TRRAP: variants seen among roughly 807,000 people sequenced by gnomAD.
The protein encoded by TRRAP is transformation/transcription domain-associated protein.
TRRAP carries 41 observed loss-of-function variants against 438.8 expected under a neutral mutation model. The ratio of observed to expected loss-of-function variants is 0.09; its 90% CI spans 0.07 to 0.12. TRRAP has a LOEUF of 0.12. Among genes scored for constraint, TRRAP ranks in the 10% least tolerant of loss-of-function variants. The pLI is 1.00. For synonymous variants in TRRAP, 1,994 were observed against 1,962.9 expected, an observed-to-expected ratio of 1.02 and a Z score of -0.42; for missense variants, 3,122 against 5,055.1, an observed-to-expected ratio of 0.62 and a Z score of 11.60.
At chr7:98,891,468 C>T (rs901934295) in intron 4 of TRRAP, among the ~76,000 whole-genome samples, 27 of 148,702 alleles carry the variant, frequency 1.8e-4, no homozygotes, top group African/African-American at 4.2e-4. Context: ...CCCAAAGTGC[C>T]GAGACTACAG....
At chr7:98,945,899 T>C in intron 32 of TRRAP, 31 bp from the exon 33 acceptor site, 1 of 1,553,936 alleles carries the variant, frequency 6.4e-7, no homozygotes, top group East Asian at 2.3e-5. Flanking sequence ...CTGTTGCCTT[T>C]TTTCATGCTG....
At position 98,919,517 on chromosome 7, in the gene TRRAP, C is replaced by T. The variant is rs539487771; in HGVS notation, c.2622+1838C>T. Among the ~76,000 whole-genome samples the T allele has an allele frequency of 8.9e-4, 136 of 152,200 alleles. 1 individual carries two copies. Among genetic ancestry groups the T allele is most frequent in the African/African-American group, 3.2e-3 (132 of 41,514 alleles). On this transcript the variant is annotated intron_variant, in intron 20 of 72. Coordinates refer to ENST00000456197, the MANE Select transcript of TRRAP (RefSeq NM_001375524.1). ...CTCACGAGTTTGAGGTGGAAGAATC[C>T]GTTGAACTCAAGAGGTTGAGGCTAC...
Position 98,929,051 on chromosome 7 carries a change from C to T in TRRAP, c.3176-938C>T, listed in dbSNP as rs116385653. The stretch of plus-strand genomic sequence containing the variant: ...CTCCCGGGTTGAAGTGATTCTCCTC[C>T]CTCACCCCTCCTGAGTAGCTGGGAT... On this transcript the variant is annotated intron_variant, in intron 23 of 72. Transcript: ENST00000456197. Among the ~76,000 whole-genome samples, 574 of 151,912 alleles carry T rather than the reference C, an allele frequency of 3.8e-3. 10 individuals carry two copies. The highest frequency in any genetic ancestry group is 0.013 in the African/African-American group (547 of 41,380).
chr7:98,906,246 A>G lies in TRRAP; in HGVS notation c.1106A>G (p.Glu369Gly), dbSNP rs781979132. 1.9e-6 allele frequency: 3 copies of G among 1,613,846 alleles called. No individual in the cohort carries two copies. Among genetic ancestry groups the G allele is most frequent in the Non-Finnish European group, 2.5e-6 (3 of 1,179,816 alleles). ...ILIGSGYTAR[E>G]TLRPLAYSTL... ...ATTGGCTCAGGATATACTGCCAGAG[A>G]GACTCTAAGGTATGAGATTAAACCA... The change falls in exon 13 of 73, where the codon GAG (glutamate) becomes GGG (glycine). Residue 369 changes from glutamate to glycine, a missense_variant. Physicochemically the swap from Glu to Gly is moderately conservative, Grantham distance 98. Around this residue, in one of 24 missense-constraint regions of TRRAP, gnomAD observed 343 missense variants for 564.0 expected, o/e 0.61. Transcript: ENST00000456197.
At position 98,931,440 on chromosome 7, in the gene TRRAP, G is replaced by A. The variant is rs1277397652; in HGVS notation, c.3627G>A (p.Thr1209=). The A allele has an allele frequency of 5.6e-6, 9 of 1,613,984 alleles. No homozygotes were observed. The highest frequency in any genetic ancestry group is 2.2e-5 in the East Asian group (1 of 44,894). The change falls in exon 26 of 73, where the codon ACG becomes ACA. Residue 1209 remains threonine, a synonymous_variant. Transcript: ENST00000456197. Reference sequence around the variant, plus strand: ...GGGCAGTCGCTATGGCAAAGACCACGCTGGAGCAGCTTCTGATGCGGTGCG... The same window carrying A: ...GGGCAGTCGCTATGGCAAAGACCACACTGGAGCAGCTTCTGATGCGGTGCG... ...SNGAVAMAKT[T]LEQLLMRCAT...
Position 98,917,490 on chromosome 7 carries a change from C to T in TRRAP, c.2433C>T (p.Leu811=), listed in dbSNP as rs35145380. 1.1e-3 allele frequency: 1,757 copies of T among 1,614,172 alleles called. 12 individuals carry two copies. The African/African-American group carries it at 0.016, about 15-fold the overall frequency. ...HMKDLFVELC[L]TVPVRLSSLL... ...AGGACCTCTTTGTGGAGCTGTGTCT[C>T]ACCGTCCCTGTGCGGCTGAGCTCGC... Residue 811 remains leucine (L), a synonymous_variant, in exon 20 of 73, where the codon CTC becomes CTT. Transcript: ENST00000456197.
chr7:98,905,232 C>T (rs1205226754), intron 12 of TRRAP, among the ~76,000 whole-genome samples: 1 of 152,116 alleles, frequency 6.6e-6, no homozygotes, highest in Non-Finnish European at 1.5e-5. Flanking sequence ...CTCAGAGGGG[C>T]CTGCTTGTGG....
intron 30 of TRRAP, among the ~76,000 whole-genome samples, chr7:98,942,456 T>A (rs1345955109): frequency 6.6e-6 from 1 of 152,180 alleles, no homozygotes; most frequent in African/African-American, 2.4e-5. Context: ...CCCGACCCCC[T>A]CCTTTCTCAT....
intron 3 of TRRAP, among the ~76,000 whole-genome samples, chr7:98,885,667 AATATATAT>A (rs112055398): frequency 1.3e-5 from 2 of 148,990 alleles, no homozygotes; most frequent in African/African-American, 4.9e-5. Flanking sequence ...AGCTGTTTAA[AATATATAT>A]ATATATATAT....
At chr7:98,929,114 G>A (rs1472206698) in intron 23 of TRRAP, among the ~76,000 whole-genome samples, 1 of 151,744 alleles carries the variant, frequency 6.6e-6, no homozygotes, top group Non-Finnish European at 1.5e-5. Context: ...AATTTTTTTG[G>A]TATTTTTAGT....
At chr7:98,929,063 T>C (rs1194191510) in intron 23 of TRRAP, among the ~76,000 whole-genome samples, 1 of 151,958 alleles carries the variant, frequency 6.6e-6, no homozygotes, top group Non-Finnish European at 1.5e-5. Flanking sequence ...TCACCCCTCC[T>C]GAGTAGCTGG....
At chr7:99,007,881 T>A (rs1290922369) in intron 69 of TRRAP, among the ~76,000 whole-genome samples, 12 of 151,286 alleles carry the variant, frequency 7.9e-5, no homozygotes, top group Non-Finnish European at 1.5e-4. Flanking sequence ...GCTGGAGTGC[T>A]GTGGCGTGAT....
chr7:98,978,372 C>T (rs2116739329), intron 57 of TRRAP, 49 bp downstream of exon 57: 1 of 1,510,442 alleles, frequency 6.6e-7, no homozygotes, highest in Non-Finnish European at 9.1e-7. Flanking sequence ...TTAAGGGAAC[C>T]AGGGAAAAAT....
At chr7:98,904,260 G>T (rs1554407175) in intron 12 of TRRAP, among the ~76,000 whole-genome samples, 1 of 151,956 alleles carries the variant, frequency 6.6e-6, no homozygotes, top group East Asian at 1.9e-4. Context: ...GAGGCGAGCG[G>T]ATCACGAGGT....
chr7:98,954,624 AC>A (rs1459876273), intron 40 of TRRAP, among the ~76,000 whole-genome samples: 1 of 151,618 alleles, frequency 6.6e-6, no homozygotes, highest in Non-Finnish European at 1.5e-5. Context: ...TCTAACACCC[AC>A]CCCGTCCCCT....
In TRRAP at chr7:99,006,692, G is replaced by T. The variant is rs566733988; in HGVS notation, c.10753+1344G>T. 2.8e-3 allele frequency among the ~76,000 whole-genome samples: 422 copies of T among 152,296 alleles called. 2 individuals carry two copies. Among genetic ancestry groups the T allele is most frequent in the African/African-American group, 9.7e-3 (405 of 41,564 alleles). Reference sequence around the variant, plus strand: ...TCCACGTCAGGGGTTACAGTGGCTGGGACACAGCTGCCACTGGGACCCTCA... The same window carrying T: ...TCCACGTCAGGGGTTACAGTGGCTGTGACACAGCTGCCACTGGGACCCTCA... On this transcript the variant is annotated intron_variant, in intron 69 of 72. Transcript: ENST00000456197.
intron 44 of TRRAP, among the ~76,000 whole-genome samples, chr7:98,958,412 C>G (rs1791727323): frequency 6.6e-6 from 1 of 151,926 alleles, no homozygotes; most frequent in Non-Finnish European, 1.5e-5. Flanking sequence ...CGATTCTCGT[C>G]CCTCAGCCTC....
rs781915295 is a variant in TRRAP, at chr7:98,955,333, G to A, written c.5937+29G>A. On this transcript the variant is annotated intron_variant, in intron 41 of 72. Coordinates refer to ENST00000456197, the MANE Select transcript of TRRAP (RefSeq NM_001375524.1). ...TGTAGGAGGGACGGTGGGCTGCGGG[G>A]CGCGCGTCTTCAGGCATTCACTTTG... 7 of 1,580,616 alleles carry A rather than the reference G, an allele frequency of 4.4e-6. No individual in the cohort carries two copies. The South Asian group carries it at 6.8e-5, about 15-fold the overall frequency.
chr7:98,930,473 G>A (rs534911338), intron 24 of TRRAP, among the ~76,000 whole-genome samples, 160 bp from the exon 25 acceptor site: 1 of 152,292 alleles, frequency 6.6e-6, no homozygotes, highest in East Asian at 1.9e-4. Flanking sequence ...AGCTACTCGG[G>A]AGGCTAAGGC....
Sources: gnomAD v4.1 joint callset for allele counts (sites outside exome capture counted in the v4.1 genomes callset) on GRCh38, gnomAD v4.1.1 for gene constraint, gnomAD v4.1.1 regional missense constraint, MANE v1.5 for transcripts, NCBI Gene and HGNC (gene_info 2026-07-23, HGNC 2026-07-21) for gene names.